DCAF8L2: variants seen among roughly 807,000 people sequenced by gnomAD.
DCAF8L2 encodes DDB1- and CUL4-associated factor 8-like protein 2.
For synonymous variants in DCAF8L2, 200 were observed against 190.9 expected (o/e 1.05, Z -0.39); for missense variants, 430 against 490.7 (o/e 0.88, Z 1.17).
chrX:27,489,907 T>TCC, the DCAF8L2 span, among the ~76,000 whole-genome samples: 1 of 111,823 alleles, frequency 8.9e-6, no homozygotes, highest in East Asian at 2.8e-4. Flanking sequence ...AAACAGGGTC[T>TCC]CCCTCTGTTC....
At chrX:27,708,240 A>T (rs983499738) in intron 3 of DCAF8L2, among the ~76,000 whole-genome samples, 19 of 111,782 alleles carry the variant, frequency 1.7e-4, no homozygotes, top group African/African-American at 6.2e-4. Flanking sequence ...TCACTTACAA[A>T]TGAGAACATG....
the DCAF8L2 span, among the ~76,000 whole-genome samples, chrX:27,578,614 C>G: frequency 1.8e-5 from 2 of 111,401 alleles, no homozygotes; most frequent in African/African-American, 6.5e-5. Context: ...TCAGAGTGAA[C>G]AGGCAACCTA....
At chrX:27,732,432 T>C (rs1370295358) in intron 4 of DCAF8L2, among the ~76,000 whole-genome samples, 1 of 110,815 alleles carries the variant, frequency 9.0e-6, no homozygotes, top group African/African-American at 3.3e-5. Context: ...GGTTCATCCA[T>C]GTTGCTGCAA....
intron 2 of DCAF8L2, among the ~76,000 whole-genome samples, chrX:27,640,843 A>G (rs1928688624): frequency 8.9e-6 from 1 of 111,775 alleles, no homozygotes; most frequent in African/African-American, 3.2e-5. Flanking sequence ...TATCATTTTA[A>G]TTTGAATTTC....
intron 2 of DCAF8L2, among the ~76,000 whole-genome samples, chrX:27,669,026 A>G (rs1385923605): frequency 1.8e-5 from 2 of 111,307 alleles, no homozygotes; most frequent in Non-Finnish European, 3.8e-5. Context: ...CACTGGAAAG[A>G]CATGTGCACA....
At chrX:27,498,896 C>T in the DCAF8L2 span, among the ~76,000 whole-genome samples, 21,827 of 110,973 alleles carry the variant, frequency 0.2, 1,852 homozygotes, top group East Asian at 0.36. Context: ...TCTCTTTAGG[C>T]TGAATAATAT....
At chrX:27,592,947 C>T (rs766332506) in intron 1 of DCAF8L2, among the ~76,000 whole-genome samples, 70 of 109,839 alleles carry the variant, frequency 6.4e-4, no homozygotes, top group African/African-American at 2.0e-3. Context: ...TACAGGTGCC[C>T]GCCACCACAC....
intron 1 of DCAF8L2, among the ~76,000 whole-genome samples, chrX:27,623,486 C>T (rs1355169385): frequency 9.1e-6 from 1 of 109,694 alleles, no homozygotes; most frequent in Non-Finnish European, 1.9e-5. Flanking sequence ...AATCAAAGTC[C>T]TAAAAGAGAA....
chrX:27,519,348 G>C, the DCAF8L2 span: 1 of 1,143,571 alleles, frequency 8.7e-7, no homozygotes, highest in Non-Finnish European at 1.2e-6. Context: ...CTGCTGAAGA[G>C]GCGAAGTCTG....
the DCAF8L2 span, among the ~76,000 whole-genome samples, chrX:27,556,183 C>T: frequency 9.0e-6 from 1 of 111,264 alleles, no homozygotes; most frequent in East Asian, 2.8e-4. Flanking sequence ...ATAGAGTTCT[C>T]TTACGTCTTA....
the DCAF8L2 span, among the ~76,000 whole-genome samples, chrX:27,497,497 A>ATTCTTTCT: frequency 1.5e-5 from 1 of 66,070 alleles, no homozygotes; most frequent in Non-Finnish European, 2.9e-5. Flanking sequence ...AAACACCATT[A>ATTCTTTCT]TTCTTTCTTT....
intron 1 of DCAF8L2, among the ~76,000 whole-genome samples, chrX:27,624,148 G>C (rs1206501463): frequency 1.8e-5 from 2 of 111,768 alleles, no homozygotes; most frequent in African/African-American, 3.3e-5. Context: ...AATTATTATT[G>C]TGCCTACCTG....
At chrX:27,570,257 G>A in the DCAF8L2 span, among the ~76,000 whole-genome samples, 2 of 110,507 alleles carry the variant, frequency 1.8e-5, no homozygotes, top group Non-Finnish European at 3.8e-5. Context: ...TTTGGGCAGG[G>A]GCTAGGGGAG....
At position 27,747,476 on chromosome X, in the gene DCAF8L2, A is replaced by G. The variant is rs780740566; in HGVS notation, c.581A>G (p.His194Arg). The G allele has an allele frequency of 4.7e-5, 55 of 1,173,857 alleles. No individual in the cohort carries two copies. In the South Asian group the frequency reaches 7.2e-4, roughly 15 times the overall value. The part of the protein sequence containing the change: ...RPRWQVVTAL[H>R]QRQLGSRPRF... ...CGCTGGCAGGTCGTTACTGCTCTTC[A>G]CCAGCGGCAGCTGGGTTCACGTCCC... Residue 194 changes from histidine to arginine, a missense_variant, in exon 5 of 5, where the codon CAC becomes CGC. Coordinates refer to ENST00000451261, the MANE Select transcript of DCAF8L2 (RefSeq NM_001353450.2).
intron 1 of DCAF8L2, among the ~76,000 whole-genome samples, chrX:27,623,975 T>C (rs1927899996): frequency 8.9e-6 from 1 of 112,064 alleles, no homozygotes; most frequent in Admixed American, 9.5e-5. Context: ...CATTTACTTA[T>C]GTTATCTCAT....
At chrX:27,566,900 C>T in the DCAF8L2 span, among the ~76,000 whole-genome samples, 2 of 110,374 alleles carry the variant, frequency 1.8e-5, no homozygotes, top group Non-Finnish European at 3.8e-5. Flanking sequence ...TGCTGAATCC[C>T]ATGGGTTTTG....
At chrX:27,515,111 C>G in the DCAF8L2 span, among the ~76,000 whole-genome samples, 1 of 111,940 alleles carries the variant, frequency 8.9e-6, no homozygotes, top group Non-Finnish European at 1.9e-5. Context: ...ATAATATATA[C>G]ATGCATTGAA....
chrX:27,550,467 A>T, the DCAF8L2 span, among the ~76,000 whole-genome samples: 1 of 111,136 alleles, frequency 9.0e-6, no homozygotes, highest in South Asian at 3.8e-4. Flanking sequence ...AAGTGTTGGG[A>T]TTATAGATGT....
chrX:27,731,381 A>C (rs1921197848), intron 4 of DCAF8L2, among the ~76,000 whole-genome samples: 1 of 111,378 alleles, frequency 9.0e-6, no homozygotes, highest in East Asian at 2.8e-4. Context: ...AACCTGGGCG[A>C]CAGAGAAAGA....
Sources: gnomAD v4.1 joint callset for allele counts (sites outside exome capture counted in the v4.1 genomes callset) on GRCh38, gnomAD v4.1.1 for gene constraint, MANE v1.5 for transcripts, NCBI Gene and HGNC (gene_info 2026-07-23, HGNC 2026-07-21) for gene names.